Variants in SMYD3 observed in about 807,000 individuals in gnomAD.
SMYD3 encodes histone-lysine N-methyltransferase SMYD3.
Under a neutral mutation model 57.7 loss-of-function variants are expected in SMYD3, and 36 were observed. The ratio of observed to expected loss-of-function variants is 0.62; its 90% CI spans 0.48 to 0.82. SMYD3 has a LOEUF of 0.82. Among genes scored for constraint, SMYD3 ranks in the 40% least tolerant of loss-of-function variants. The pLI is 0.00. For missense variants in SMYD3, 515 were observed against 538.8 expected (o/e 0.96, Z 0.44); for synonymous variants, 211 against 195.0 (o/e 1.08, Z -0.68).
At chr1:246,492,987 T>C (rs148180627) in intron 1 of SMYD3, among the ~76,000 whole-genome samples, 21 of 152,330 alleles carry the variant, frequency 1.4e-4, no homozygotes, top group African/African-American at 4.8e-4. Context: ...GGTACATTGT[T>C]TCTTTTGTGG....
At chr1:245,799,033 C>A (rs1157073061) in intron 10 of SMYD3, among the ~76,000 whole-genome samples, 1 of 152,208 alleles carries the variant, frequency 6.6e-6, no homozygotes, top group African/African-American at 2.4e-5. Context: ...ACCCTCGATA[C>A]TCTTCACAGA....
At chr1:246,306,433 T>C (rs1343397258) in intron 5 of SMYD3, among the ~76,000 whole-genome samples, 8 of 152,204 alleles carry the variant, frequency 5.3e-5, no homozygotes, top group Non-Finnish European at 8.8e-5. Flanking sequence ...GGGACAGATA[T>C]ATTTTTCCTA....
At chr1:245,791,843 C>T (rs1572345075) in intron 10 of SMYD3, among the ~76,000 whole-genome samples, 1 of 152,070 alleles carries the variant, frequency 6.6e-6, no homozygotes, top group Non-Finnish European at 1.5e-5. Context: ...TTCTCTGGGC[C>T]ACTCCCTTCC....
intron 5 of SMYD3, among the ~76,000 whole-genome samples, chr1:245,941,050 G>A (rs1379321267): frequency 6.6e-6 from 1 of 152,174 alleles, no homozygotes; most frequent in Non-Finnish European, 1.5e-5. Flanking sequence ...AACAGACCAA[G>A]TGGAAGAAAG....
At position 246,127,653 on chromosome 1, in the gene SMYD3, T is replaced by A. The variant is rs111937620; in HGVS notation, c.532-197716A>T. 6.7e-4 allele frequency among the ~76,000 whole-genome samples: 102 copies of A among 152,208 alleles called. 2 individuals carry two copies. The highest frequency in any genetic ancestry group is 2.4e-3 in the African/African-American group (100 of 41,532). On this transcript the variant is annotated intron_variant, in intron 5 of 11. Transcript: ENST00000490107. ...AATCACGCCTGTAATCTCAGCACTT[T>A]GCGGGGCTGAGGCGGGTGGATCACC... is the stretch of plus-strand genomic sequence containing the variant.
At chr1:245,925,653 A>C (rs184313907) in intron 7 of SMYD3, among the ~76,000 whole-genome samples, 2 of 152,228 alleles carry the variant, frequency 1.3e-5, no homozygotes, top group African/African-American at 4.8e-5. Flanking sequence ...GCCGGTCATT[A>C]GAGTAAGCTC....
intron 5 of SMYD3, among the ~76,000 whole-genome samples, chr1:246,248,968 C>A (rs2063756703): frequency 6.6e-6 from 1 of 151,420 alleles, no homozygotes; most frequent in Non-Finnish European, 1.5e-5. Context: ...TCTCTGACTT[C>A]TTTTACCTAA....
At chr1:246,492,469 GGGGCAAAAA>G (rs1301385649) in intron 1 of SMYD3, among the ~76,000 whole-genome samples, 1 of 152,132 alleles carries the variant, frequency 6.6e-6, no homozygotes, top group Non-Finnish European at 1.5e-5. Context: ...AGAAAGTACT[GGGGCAAAAA>G]GGTAAGCGAG....
At chr1:246,358,576 C>A (rs1159850834) in intron 1 of SMYD3, among the ~76,000 whole-genome samples, 2 of 152,164 alleles carry the variant, frequency 1.3e-5, no homozygotes, top group Non-Finnish European at 2.9e-5. Context: ...CAAAACAAGT[C>A]TCAGTAAATT....
At chr1:246,208,677 T>C (rs2063038285) in intron 5 of SMYD3, among the ~76,000 whole-genome samples, 1 of 152,188 alleles carries the variant, frequency 6.6e-6, no homozygotes, top group Non-Finnish European at 1.5e-5. Flanking sequence ...TCACGTTGCA[T>C]GTCCTCTCGT....
intron 5 of SMYD3, among the ~76,000 whole-genome samples, chr1:246,105,602 G>C (rs954078022): frequency 6.6e-6 from 1 of 152,168 alleles, no homozygotes; most frequent in Non-Finnish European, 1.5e-5. Flanking sequence ...TAAAGAGCAT[G>C]TTGTATGGCT....
chr1:245,965,256 T>C (rs2058111112), intron 5 of SMYD3, among the ~76,000 whole-genome samples: 4 of 152,118 alleles, frequency 2.6e-5, no homozygotes, highest in Admixed American at 1.3e-4. Flanking sequence ...ATTCCAAAGA[T>C]GGGAGGGAAG....
intron 5 of SMYD3, among the ~76,000 whole-genome samples, chr1:246,153,160 A>G (rs1226582908): frequency 6.6e-6 from 1 of 152,072 alleles, no homozygotes; most frequent in African/African-American, 2.4e-5. Context: ...TTGCTTCCAA[A>G]TTCACAAAGA....
At chr1:246,297,097 C>A (rs2064809869) in intron 5 of SMYD3, among the ~76,000 whole-genome samples, 1 of 152,018 alleles carries the variant, frequency 6.6e-6, no homozygotes, top group African/African-American at 2.4e-5. Context: ...CAGGAGGGGG[C>A]TCTGACACAG....
chr1:246,208,689 G>A (rs925498650), intron 5 of SMYD3, among the ~76,000 whole-genome samples: 1 of 152,138 alleles, frequency 6.6e-6, no homozygotes, highest in Non-Finnish European at 1.5e-5. Context: ...TCCTCTCGTG[G>A]ACGGTATAAA....
At chr1:246,055,558 CT>C (rs746178698) in intron 5 of SMYD3, among the ~76,000 whole-genome samples, 58 of 152,346 alleles carry the variant, frequency 3.8e-4, no homozygotes, top group Middle Eastern at 6.8e-3. Context: ...CACACCTTTG[CT>C]CGCTGCAGTA....
rs185880003 is a variant in SMYD3 at position 245,789,589 on chromosome 1, G to T, written c.1077-25440C>A. On this transcript the variant is annotated intron_variant, in intron 10 of 11. Transcript: ENST00000490107. The stretch of plus-strand genomic sequence containing the variant: ...TTTTTATTTATATTTAAGTACAATT[G>T]TGTGGTCTGTATTCTGGAAATTTCC... Among the ~76,000 whole-genome samples, 30 of 152,262 alleles carry T rather than the reference G, an allele frequency of 2.0e-4. 1 individual carries two copies. Among genetic ancestry groups the T allele is most frequent in the African/African-American group, 6.7e-4 (28 of 41,552 alleles).
chr1:245,921,269 C>T (rs1234533708), intron 7 of SMYD3, among the ~76,000 whole-genome samples: 3 of 151,960 alleles, frequency 2.0e-5, no homozygotes, highest in African/African-American at 7.3e-5. Context: ...ACTAAAAAGT[C>T]CAAAAATAAC....
intron 10 of SMYD3, among the ~76,000 whole-genome samples, chr1:245,858,192 CGT>C (rs1204617958): frequency 7.2e-5 from 11 of 152,102 alleles, no homozygotes; most frequent in African/African-American, 2.7e-4. Flanking sequence ...ACCCTGAGCC[CGT>C]CTTTGTCACT....
Sources: gnomAD v4.1 joint callset for allele counts (sites outside exome capture counted in the v4.1 genomes callset) on GRCh38, gnomAD v4.1.1 for gene constraint, MANE v1.5 for transcripts, NCBI Gene and HGNC (gene_info 2026-07-23, HGNC 2026-07-21) for gene names.